CYP2C19: variants seen among roughly 807,000 people sequenced by gnomAD.
CYP2C19 encodes cytochrome P450 family 2 subfamily C member 19, also known as cytochrome P450 2C19.
In CYP2C19, 59 loss-of-function variants were observed where a neutral mutation model predicts 40.9. The ratio of observed to expected loss-of-function variants is 1.44; its 90% CI spans 1.17 to 1.79. CYP2C19 has a LOEUF of 1.79. Among genes scored for constraint, CYP2C19 ranks in the 40% most tolerant of loss-of-function variants. The probability of loss-of-function intolerance (pLI) is 0.00; values close to 1 mark genes in which losing one functional copy is unlikely to be tolerated. For missense variants in CYP2C19, 754 were observed against 596.9 expected (o/e 1.26, Z -2.74); for synonymous variants, 253 against 208.7 (o/e 1.21, Z -1.83).
At chr10:94,768,481 G>A (rs1474178102) in intron 1 of CYP2C19, among the ~76,000 whole-genome samples, 2 of 152,144 alleles carry the variant, frequency 1.3e-5, no homozygotes, top group East Asian at 3.9e-4. Context: ...AAAGTGGCAG[G>A]GTTGGGGGCT....
chr10:94,798,595 A>T (rs1006693808), intron 5 of CYP2C19, among the ~76,000 whole-genome samples: 6 of 152,088 alleles, frequency 3.9e-5, no homozygotes, highest in Admixed American at 1.3e-4. Flanking sequence ...GTAGGATGTT[A>T]AAGTCTGCCA....
intron 4 of CYP2C19, 151 bp downstream of exon 4, chr10:94,780,810 C>A: frequency 2.4e-6 from 2 of 848,136 alleles, no homozygotes; most frequent in Non-Finnish European, 3.7e-6. Flanking sequence ...GAAAAGATGG[C>A]AAAGTTCTTT....
In CYP2C19 at chr10:94,850,777, G is replaced by C. The variant is rs981545049; in HGVS notation, c.1291+719G>C. 4.6e-5 allele frequency among the ~76,000 whole-genome samples: 7 copies of C among 152,134 alleles called. No individual in the cohort carries two copies. In the East Asian group the frequency reaches 1.3e-3, roughly 29 times the overall value. On this transcript the variant is annotated intron_variant, in intron 8 of 8. Coordinates refer to ENST00000371321, the MANE Select transcript of CYP2C19 (RefSeq NM_000769.4). ...GAGCAGGATATTGGCTCTAAATAAA[G>C]GATATTAAAACCTTTGCCAAATAAC...
intron 8 of CYP2C19, among the ~76,000 whole-genome samples, chr10:94,850,999 T>C (rs532332479): frequency 4.0e-4 from 61 of 152,332 alleles, no homozygotes; most frequent in African/African-American, 1.5e-3. Flanking sequence ...TATGTGGCAC[T>C]GTAGATACCA....
chr10:94,796,395 T>C lies in CYP2C19; in HGVS notation c.819+14398T>C, dbSNP rs112550142. The stretch of plus-strand genomic sequence containing the variant: ...AAGTACCATGCTGTTTTGTTTACTG[T>C]AGCCTTGCAGTATAGTTGGAAGTGA... On this transcript the variant is annotated intron_variant, in intron 5 of 8. Coordinates refer to ENST00000371321, the MANE Select transcript of CYP2C19 (RefSeq NM_000769.4). 3.1e-3 allele frequency among the ~76,000 whole-genome samples: 471 copies of C among 152,326 alleles called. 3 individuals are homozygous for C. The highest frequency in any genetic ancestry group is 0.011 in the African/African-American group (448 of 41,580).
rs183690354 is a variant in CYP2C19, at chr10:94,841,903, T to C, written c.962-934T>C. Among the ~76,000 whole-genome samples, 85 of 152,372 alleles carry C rather than the reference T, an allele frequency of 5.6e-4. 1 individual carries two copies. Among genetic ancestry groups the C allele is most frequent in the African/African-American group, 1.9e-3 (80 of 41,598 alleles). On this transcript the variant is annotated intron_variant, in intron 6 of 8. Coordinates refer to ENST00000371321, the MANE Select transcript of CYP2C19 (RefSeq NM_000769.4). ...TTTGAGTGTTTTAAGACTTGTTCTG[T>C]GACCTAATATCTGGTCAATTCTTGA... is the stretch of plus-strand genomic sequence containing the variant.
chr10:94,786,436 A>G (rs1246363279), intron 5 of CYP2C19, among the ~76,000 whole-genome samples: 1 of 152,064 alleles, frequency 6.6e-6, no homozygotes, highest in Non-Finnish European at 1.5e-5. Flanking sequence ...GGTCTGGTTT[A>G]GTTTGAAAGG....
intron 5 of CYP2C19, among the ~76,000 whole-genome samples, chr10:94,794,088 A>T (rs1298574063): frequency 6.6e-6 from 1 of 152,016 alleles, no homozygotes; most frequent in Non-Finnish European, 1.5e-5. Context: ...CCTTGCTGCC[A>T]CCTTGCATTT....
intron 5 of CYP2C19, among the ~76,000 whole-genome samples, chr10:94,815,112 T>C (rs1429983100): frequency 1.3e-5 from 2 of 148,466 alleles, no homozygotes; most frequent in African/African-American, 5.0e-5. Flanking sequence ...TACTACCTTA[T>C]TAATGCTAAG....
At chr10:94,807,884 G>C (rs1309671393) in intron 5 of CYP2C19, among the ~76,000 whole-genome samples, 2 of 151,924 alleles carry the variant, frequency 1.3e-5, no homozygotes, top group East Asian at 1.9e-4. Context: ...GCAGAAGTTT[G>C]CTATAATCTC....
chr10:94,821,716 A>G (rs1378047640), intron 6 of CYP2C19, among the ~76,000 whole-genome samples: 3 of 152,188 alleles, frequency 2.0e-5, no homozygotes, highest in Admixed American at 6.5e-5. Context: ...CCATTTAATG[A>G]CAATAACCTA....
chr10:94,841,361 G>T (rs1849492520), intron 6 of CYP2C19, among the ~76,000 whole-genome samples: 1 of 152,196 alleles, frequency 6.6e-6, no homozygotes. Context: ...CAGATCTGGA[G>T]GGATGGAAGT....
chr10:94,830,403 G>A (rs1199699470), intron 6 of CYP2C19, among the ~76,000 whole-genome samples: 3 of 152,284 alleles, frequency 2.0e-5, no homozygotes, highest in Admixed American at 2.0e-4. Flanking sequence ...ATTCGGGTGG[G>A]AGTGACCCGA....
chr10:94,769,154 C>T (rs1416283679), intron 1 of CYP2C19, among the ~76,000 whole-genome samples: 2 of 151,954 alleles, frequency 1.3e-5, no homozygotes, highest in East Asian at 3.9e-4. Context: ...AAAGCTGGGC[C>T]TTTGACCTAG....
chr10:94,799,170 C>T, intron 5 of CYP2C19, among the ~76,000 whole-genome samples: 1 of 151,804 alleles, frequency 6.6e-6, no homozygotes, highest in East Asian at 1.9e-4. Flanking sequence ...TTAGTGCTTC[C>T]TTCAGGAGCT....
chr10:94,843,165 T>G, intron 7 of CYP2C19, 141 bp downstream of exon 7: 1 of 1,035,738 alleles, frequency 9.7e-7, no homozygotes, highest in Non-Finnish European at 1.5e-6. Context: ...TTCTGTTGAT[T>G]CCAGTTTGGG....
chr10:94,833,920 T>C (rs576458983), intron 6 of CYP2C19, among the ~76,000 whole-genome samples: 1 of 152,310 alleles, frequency 6.6e-6, no homozygotes, highest in African/African-American at 2.4e-5. Flanking sequence ...TGTTGAGGAT[T>C]GTTGCATCAG....
rs939429536 is a variant in CYP2C19 at position 94,782,112 on chromosome 10, T to C, written c.819+115T>C. The C allele has an allele frequency of 8.8e-6, 7 of 797,018 alleles. No homozygotes were observed. In the Admixed American group the frequency reaches 1.9e-4, roughly 22 times the overall value. The allele number at this position is 797,018 out of a possible 1,614,324, so 49.4% of individuals were successfully genotyped here. A position where few individuals can be genotyped will look rare whatever the true frequency, so the allele number is the denominator to read the frequency against. ...GTCAAGGAGTAATGCTTGAGAAGCA[T>C]ATTTAAGTTTTTATTGTATGCATGA... On this transcript the variant is annotated intron_variant, in intron 5 of 8. Coordinates refer to ENST00000371321, the MANE Select transcript of CYP2C19 (RefSeq NM_000769.4).
intron 6 of CYP2C19, among the ~76,000 whole-genome samples, chr10:94,835,910 C>T (rs1849395993): frequency 6.6e-6 from 1 of 152,140 alleles, no homozygotes. Context: ...GTGTACCTCG[C>T]TTTTTGAAGT....
Sources: allele counts gnomAD v4.1 joint callset (sites outside exome capture counted in the v4.1 genomes callset), GRCh38; gene constraint gnomAD v4.1.1; transcripts MANE v1.5; gene names NCBI Gene and HGNC (gene_info 2026-07-23, HGNC 2026-07-21).